CDIPT: variants seen among roughly 807,000 people sequenced by gnomAD.
CDIPT encodes the protein PI synthase.
In CDIPT, 17 loss-of-function variants were observed where a neutral mutation model predicts 21.6. The observed-to-expected ratio is 0.79, with a 90% confidence interval of 0.54 to 1.18. The LOEUF (loss-of-function observed/expected upper bound fraction) is 1.18, where lower values mean the gene tolerates loss of function less well. Among genes scored for constraint, CDIPT ranks in the 50% most tolerant of loss-of-function variants. The probability of loss-of-function intolerance (pLI) is 0.00; values close to 1 mark genes in which losing one functional copy is unlikely to be tolerated. For missense variants in CDIPT, 254 were observed against 284.9 expected (o/e 0.89, Z 0.78); for synonymous variants, 119 against 117.9 (o/e 1.01, Z -0.06).
rs535591688 is a variant in CDIPT, at chr16:29,862,183, G to C, written c.178+403C>G. Among the ~76,000 whole-genome samples the C allele has an allele frequency of 6.6e-6, 1 of 152,322 alleles. No individual in the cohort carries two copies. Among genetic ancestry groups the C allele is most frequent in the Admixed American group, 6.5e-5 (1 of 15,296 alleles). On this transcript the variant is annotated intron_variant, in intron 2 of 5. Transcript: ENST00000219789. This position sits in a 1 kb window ranked among gnomAD's most constrained non-coding sequence, Gnocchi z 6.7. ...CCATTCTTGCTGGGCGCGGCACTTT[G>C]GGAGCAAGGCAGGAGGATCGCTTGA...
rs539793268 is a variant in CDIPT at position 29,861,488 on chromosome 16, G to A, written c.179-229C>T. ...TGGAGGGAACAGGGTAGGAGGAGAG[G>A]AAAGCTATGTCTGCAACTCATCAAC... On this transcript the variant is annotated intron_variant, in intron 2 of 5. Coordinates refer to ENST00000219789, the MANE Select transcript of CDIPT (RefSeq NM_006319.5). 406 of 1,535,888 alleles carry A rather than the reference G, an allele frequency of 2.6e-4. 2 individuals are homozygous for A. The highest frequency in any genetic ancestry group is 1.2e-3 in the Middle Eastern group (7 of 5,990).
intron 4 of CDIPT, 29 bp downstream of exon 4, chr16:29,860,552 G>GA: frequency 6.8e-7 from 1 of 1,465,568 alleles, no homozygotes; most frequent in Non-Finnish European, 9.6e-7. Context: ...CCAAGAGCCT[G>GA]AGGGGTGGGG....
chr16:29,859,342 A>C lies in CDIPT; in HGVS notation c.497-8T>G. The C allele has an allele frequency of 1.9e-6, 3 of 1,566,266 alleles. No individual in the cohort carries two copies. In the South Asian group the frequency reaches 3.5e-5, roughly 18 times the overall value. ...ACAGTCCCACAGAGCCAACTGCAGG[A>C]AGGCAGCAGGGGAGTTTGGGGCCCG... On this transcript the variant is annotated splice_region_variant and splice_polypyrimidine_tract_variant and intron_variant, in intron 5 of 5. Coordinates refer to ENST00000219789, the MANE Select transcript of CDIPT (RefSeq NM_006319.5). This position sits in a 1 kb window ranked among gnomAD's most constrained non-coding sequence, Gnocchi z 4.5.
rs1286077817 is a variant in CDIPT, at chr16:29,863,056, G to A, written c.-199C>T. On this transcript the variant is annotated 5_prime_UTR_variant, in exon 1 of 6. Coordinates refer to ENST00000219789, the MANE Select transcript of CDIPT (RefSeq NM_006319.5). ...CCGGCCCCGAGGTGCGCGGGACGCA[G>A]GGGGCGCGCGCAGTCCGCCCTTCCT... The A allele has an allele frequency of 3.1e-6, 2 of 641,800 alleles. No individual in the cohort carries two copies. Among genetic ancestry groups the A allele is most frequent in the Non-Finnish European group, 5.4e-6 (2 of 369,832 alleles). 39.8% of individuals were successfully genotyped at this position (641,800 alleles called of 1,614,324 possible).
At position 29,862,279 on chromosome 16, in the gene CDIPT, G is replaced by A. The variant is rs944006029; in HGVS notation, c.178+307C>T. On this transcript the variant is annotated intron_variant, in intron 2 of 5. Transcript: ENST00000219789. The surrounding 1 kb of genome is among the most constrained non-coding windows in gnomAD (Gnocchi z 6.7). ...CTCTACAAAAATTTAAAAATTAGCC[G>A]GGTGTGGTGGCACGCTCCTGTAGTC... Among the ~76,000 whole-genome samples the A allele has an allele frequency of 2.0e-5, 3 of 152,116 alleles. No homozygotes were observed. Among genetic ancestry groups the A allele is most frequent in the Non-Finnish European group, 4.4e-5 (3 of 68,028 alleles).
chr16:29,860,801 T>C (rs2067674374), intron 3 of CDIPT, 139 bp from the exon 4 acceptor site: 2 of 658,382 alleles, frequency 3.0e-6, no homozygotes, highest in African/African-American at 3.6e-5. Flanking sequence ...CAGTTACCTA[T>C]TTGGGGGCAG....
In CDIPT at chr16:29,859,948, T is replaced by C. The variant is rs1369925305; in HGVS notation, c.415-425A>G. On this transcript the variant is annotated intron_variant, in intron 4 of 5. Coordinates refer to ENST00000219789, the MANE Select transcript of CDIPT (RefSeq NM_006319.5). The surrounding 1 kb of genome is among the most constrained non-coding windows in gnomAD (Gnocchi z 4.5). ...TGAACCCAGCAGGCAGAGGTTGCAGTGAGCCGATAACCCGCCACTGAACTC... is the reference window on the plus strand; with the variant it reads ...TGAACCCAGCAGGCAGAGGTTGCAGCGAGCCGATAACCCGCCACTGAACTC... 6.6e-6 allele frequency among the ~76,000 whole-genome samples: 1 copy of C among 151,998 alleles called. No individual in the cohort carries two copies. Among genetic ancestry groups the C allele is most frequent in the African/African-American group, 2.4e-5 (1 of 41,380 alleles).
chr16:29,861,451 A>C, intron 2 of CDIPT, 192 bp from the exon 3 acceptor site: 1 of 1,537,632 alleles, frequency 6.5e-7, no homozygotes, highest in Non-Finnish European at 8.7e-7. Flanking sequence ...TGAACTGAGA[A>C]AGGCATGAGA....
chr16:29,859,649 CAG>C lies in CDIPT; in HGVS notation c.415-128_415-127del, dbSNP rs1284689222. On this transcript the variant is annotated intron_variant, in intron 4 of 5. Transcript: ENST00000219789. This position sits in a 1 kb window ranked among gnomAD's most constrained non-coding sequence, Gnocchi z 4.5. ...CTTATTTTTTTTTCTTTTTTACAGA[CAG>C]GGTCTCGCTCTCTCATCCAGGTTGG... 23 of 671,682 alleles carry C rather than the reference CAG, an allele frequency of 3.4e-5. No homozygotes were observed. Among genetic ancestry groups the C allele is most frequent in the East Asian group, 8.1e-5 (3 of 36,900 alleles). The allele number at this position is 671,682 out of a possible 1,614,324, so 41.6% of individuals were successfully genotyped here. A position where few individuals can be genotyped will look rare whatever the true frequency, so the allele number is the denominator to read the frequency against.
chr16:29,860,971 G>T (rs1049916054), intron 3 of CDIPT, 135 bp downstream of exon 3: 2 of 812,016 alleles, frequency 2.5e-6, no homozygotes, highest in Non-Finnish European at 3.9e-6. Context: ...TTTGCCTGGG[G>T]TCTTTCTACA....
rs1324551244 is a variant in CDIPT at position 29,863,042 on chromosome 16, G to A, written c.-185C>T. 8.5e-6 allele frequency: 6 copies of A among 706,840 alleles called. No homozygotes were observed. The highest frequency in any genetic ancestry group is 1.2e-5 in the Non-Finnish European group (5 of 411,530). The allele number at this position is 706,840 out of a possible 1,614,324, so 43.8% of individuals were successfully genotyped here. A position where few individuals can be genotyped will look rare whatever the true frequency, so the allele number is the denominator to read the frequency against. On this transcript the variant is annotated 5_prime_UTR_variant, in exon 1 of 6. Coordinates refer to ENST00000219789, the MANE Select transcript of CDIPT (RefSeq NM_006319.5). ...GTCGGGAGCATGGACCGGCCCCGAG[G>A]TGCGCGGGACGCAGGGGGCGCGCGC...
Position 29,859,175 on chromosome 16 carries a change from C to T in CDIPT, c.*14G>A. On this transcript the variant is annotated 3_prime_UTR_variant, in exon 6 of 6. Transcript: ENST00000219789. This position sits in a 1 kb window ranked among gnomAD's most constrained non-coding sequence, Gnocchi z 4.5. ...CCCAGGGCAGGTGGGCAGCCAGGAC[C>T]CGGGGCTCCAGCGTCACTTCTTCTT... 1.3e-6 allele frequency: 2 copies of T among 1,589,206 alleles called. No individual in the cohort carries two copies. The highest frequency in any genetic ancestry group is 1.1e-5 in the South Asian group (1 of 87,348).
chr16:29,863,163 G>C lies in CDIPT; in HGVS notation c.-306C>G. 1 of 431,464 alleles carries C rather than the reference G, an allele frequency of 2.3e-6. No homozygotes were observed. Among genetic ancestry groups the C allele is most frequent in the Non-Finnish European group, 4.1e-6 (1 of 241,056 alleles). The allele number at this position is 431,464 out of a possible 1,614,324, so 26.7% of individuals were successfully genotyped here. On this transcript the variant is annotated 5_prime_UTR_variant, in exon 1 of 6. Transcript: ENST00000219789. ...GGTCGCCGCTGCTCCAGCTGCGCGT[G>C]GCTTCCGGGAACCTCCTCCTCCGCG...
At chr16:29,860,076 G>C (rs917536979) in intron 4 of CDIPT, among the ~76,000 whole-genome samples, 2 of 152,060 alleles carry the variant, frequency 1.3e-5, no homozygotes, top group East Asian at 3.9e-4. Flanking sequence ...CCTAAGTAGA[G>C]ACTACAGGCG....
Position 29,859,358 on chromosome 16 carries a change from T to C in CDIPT, c.497-24A>G, listed in dbSNP as rs556451337. The C allele has an allele frequency of 9.5e-6, 15 of 1,570,792 alleles. No homozygotes were observed. The East Asian group carries it at 1.9e-4, about 19-fold the overall frequency. On this transcript the variant is annotated intron_variant, in intron 5 of 5. Coordinates refer to ENST00000219789, the MANE Select transcript of CDIPT (RefSeq NM_006319.5). The surrounding 1 kb of genome is among the most constrained non-coding windows in gnomAD (Gnocchi z 4.5). ...AACTGCAGGAAGGCAGCAGGGGAGT[T>C]TGGGGCCCGAAGGAGGGGGCCTCCA...
Position 29,858,821 on chromosome 16 carries a change from C to A in CDIPT, c.*368G>T. The A allele has an allele frequency of 4.4e-6, 1 of 228,792 alleles. No individual in the cohort carries two copies. 14.2% of individuals were successfully genotyped at this position (228,792 alleles called of 1,614,324 possible). On this transcript the variant is annotated 3_prime_UTR_variant, in exon 6 of 6. Coordinates refer to ENST00000219789, the MANE Select transcript of CDIPT (RefSeq NM_006319.5). ...GCATGGTGCCCCAAGCTTGCTCTGG[C>A]TGGGGGCGGAGGTCTGACTCCCGCC...
chr16:29,860,843 C>T, intron 3 of CDIPT, 181 bp from the exon 4 acceptor site: 2 of 626,566 alleles, frequency 3.2e-6, no homozygotes, highest in South Asian at 3.8e-5. Context: ...TTTGAAAGCT[C>T]CCATGCCCCT....
Position 29,862,629 on chromosome 16 carries a change from C to T in CDIPT, c.135G>A (p.Leu45=). 6.2e-7 allele frequency: 1 copy of T among 1,606,246 alleles called. No individual in the cohort carries two copies. Among genetic ancestry groups the T allele is most frequent in the Non-Finnish European group, 8.5e-7 (1 of 1,176,324 alleles). The stretch of plus-strand genomic sequence containing the variant: ...CAGCGTGTCCATCGAAAGCGTCCAG[C>T]AGGCCGCTGAGCAGGTAGAAGGAGG... The part of the protein sequence containing the change: ...TASSFYLLSG[L]LDAFDGHAAR... Residue 45 remains leucine, a synonymous_variant, in exon 2 of 6, where the codon CTG becomes CTA. Coordinates refer to ENST00000219789, the MANE Select transcript of CDIPT (RefSeq NM_006319.5). This position sits in a 1 kb window ranked among gnomAD's most constrained non-coding sequence, Gnocchi z 6.7.
chr16:29,860,556 G>A, intron 4 of CDIPT, 25 bp downstream of exon 4: 1 of 1,479,906 alleles, frequency 6.8e-7, no homozygotes, highest in African/African-American at 1.4e-5. Flanking sequence ...GAGCCTGAGG[G>A]GTGGGGTGTG....
Sources: allele counts gnomAD v4.1 joint callset (sites outside exome capture counted in the v4.1 genomes callset), GRCh38; gene constraint gnomAD v4.1.1; non-coding constraint Gnocchi (gnomAD v3.1); transcripts MANE v1.5; gene names NCBI Gene and HGNC (gene_info 2026-07-23, HGNC 2026-07-21).